BRI3: variants seen among roughly 807,000 people sequenced by gnomAD.
BRI3 encodes the protein brain protein I3.
Under a neutral mutation model 12.8 loss-of-function variants are expected in BRI3, and 6 were observed. That is an observed-to-expected ratio of 0.47 (90% confidence interval 0.26 to 0.93). The LOEUF is 0.93. BRI3 is among the 40% of genes least tolerant of loss of function. The pLI, the probability that BRI3 is intolerant of heterozygous loss-of-function variation, is 0.15. For missense variants in BRI3, 134 were observed against 171.1 expected (o/e 0.78, Z 1.21); for synonymous variants, 91 against 76.1 (o/e 1.20, Z -1.02).
chr7:98,285,151 G>C (rs970250511), intron 2 of BRI3, among the ~76,000 whole-genome samples: 33 of 152,192 alleles, frequency 2.2e-4, no homozygotes, highest in African/African-American at 8.0e-4. Flanking sequence ...TCCTGGAAAG[G>C]ATTTCACTTT....
downstream of BRI3, among the ~76,000 whole-genome samples, chr7:98,311,296 C>T (rs531392831): frequency 6.6e-6 from 1 of 152,082 alleles, no homozygotes; most frequent in Non-Finnish European, 1.5e-5. Context: ...GTAACCCCAG[C>T]ACTTTGGGAG....
At chr7:98,322,630 G>A in the BRI3 span, among the ~76,000 whole-genome samples, 26 of 152,274 alleles carry the variant, frequency 1.7e-4, no homozygotes, top group Non-Finnish European at 3.5e-4. Flanking sequence ...CAGGTGATCT[G>A]TTCCACCAGA....
chr7:98,309,851 C>CA (rs1179756405), exon 2 of BRI3: 2 of 151,850 alleles, frequency 1.3e-5, no homozygotes, highest in African/African-American at 5.1e-5. Context: ...CATCTGCAGA[C>CA]AGTCACTGGC....
chr7:98,294,085 C>A, downstream of BRI3: 1 of 1,614,058 alleles, frequency 6.2e-7, no homozygotes, highest in Non-Finnish European at 8.5e-7. Flanking sequence ...TGAGAAAAGG[C>A]GGCTTTGCAG....
intron 2 of BRI3, among the ~76,000 whole-genome samples, chr7:98,290,629 G>T (rs1799897354): frequency 6.6e-6 from 1 of 152,170 alleles, no homozygotes; most frequent in Non-Finnish European, 1.5e-5. Flanking sequence ...CTCCCAAGTA[G>T]CCGGGACTAC....
exon 2 of BRI3, chr7:98,310,371 A>G (rs1800821902): frequency 6.7e-7 from 1 of 1,499,660 alleles, no homozygotes; most frequent in Non-Finnish European, 9.0e-7. Context: ...CATTTATACA[A>G]AATATTTATT....
downstream of BRI3, chr7:98,293,464 G>A (rs377455240): frequency 1.1e-4 from 169 of 1,510,170 alleles, no homozygotes; most frequent in South Asian, 1.2e-3. Context: ...GACAGGATGC[G>A]CCCATCATTC....
rs1180326213 is a variant in BRI3, at chr7:98,290,181, G to GTT, written c.246-906_246-905dup. On this transcript the variant is annotated intron_variant, in intron 2 of 2. Transcript: ENST00000297290. ...CAAAATGATCATGCCTCTCAAGGTT[G>GTT]TTTTTTTTTTTTTTTTTTTTTTTTT... Among the ~76,000 whole-genome samples the GTT allele has an allele frequency of 4.7e-3, 483 of 102,380 alleles. 5 individuals carry two copies. The highest frequency in any genetic ancestry group is 0.012 in the South Asian group (30 of 2,454). 67.2% of individuals were successfully genotyped at this position (102,380 alleles called of 152,430 possible). A position where few individuals can be genotyped will look rare whatever the true frequency, so the allele number is the denominator to read the frequency against.
exon 2 of BRI3, chr7:98,307,888 C>T (rs373903465): frequency 6.8e-6 from 11 of 1,614,058 alleles, no homozygotes; most frequent in African/African-American, 2.7e-5. Flanking sequence ...CTGGGATCTT[C>T]GGAAGTACCT....
intron 2 of BRI3, among the ~76,000 whole-genome samples, chr7:98,289,495 A>G (rs1799825481): frequency 6.6e-6 from 1 of 152,220 alleles, no homozygotes; most frequent in Non-Finnish European, 1.5e-5. Flanking sequence ...TTCTCCCCTT[A>G]GCAAGGCACA....
Position 98,282,469 on chromosome 7 carries a change from G to A in BRI3, c.245+16G>A. On this transcript the variant is annotated intron_variant, in intron 2 of 2. Coordinates refer to ENST00000297290, the MANE Select transcript of BRI3 (RefSeq NM_015379.5). ...CTGTCTGCAGGTGAGTGGGTCTGCA[G>A]CCTGGGGACTGGCCCTGGAAGCTCT... The A allele has an allele frequency of 3.7e-6, 6 of 1,606,360 alleles. No homozygotes were observed. The highest frequency in any genetic ancestry group is 5.1e-6 in the Non-Finnish European group (6 of 1,173,138).
At chr7:98,291,559 G>T, downstream of BRI3, 1 of 1,123,150 alleles carries the variant, frequency 8.9e-7, no homozygotes, top group Non-Finnish European at 1.1e-6. Flanking sequence ...TGCTTTCAGA[G>T]ACCCAGGAAA....
chr7:98,310,261 C>G (rs923835805), exon 2 of BRI3: 1 of 570,948 alleles, frequency 1.8e-6, no homozygotes, highest in African/African-American at 2.0e-5. Flanking sequence ...ATCAGAGCGT[C>G]TCACAGTCTA....
chr7:98,322,688 C>T, the BRI3 span, among the ~76,000 whole-genome samples: 9 of 152,302 alleles, frequency 5.9e-5, no homozygotes, highest in South Asian at 2.1e-4. Flanking sequence ...CGTCCCACCA[C>T]GTGGGCTTTC....
upstream of BRI3, chr7:98,304,076 C>T (rs2269965): frequency 7.8e-3 from 8,578 of 1,095,250 alleles, 427 homozygotes; most frequent in East Asian, 0.12. Context: ...CCCTCCTCCC[C>T]GGGGACACCA....
At chr7:98,302,799 T>G (rs904734096), upstream of BRI3, among the ~76,000 whole-genome samples, 1 of 152,186 alleles carries the variant, frequency 6.6e-6, no homozygotes, top group African/African-American at 2.4e-5. Flanking sequence ...CCATTTTTCT[T>G]TTTTTATGAG....
chr7:98,295,132 G>A (rs1168414545), downstream of BRI3, among the ~76,000 whole-genome samples: 1 of 152,326 alleles, frequency 6.6e-6, no homozygotes, highest in Admixed American at 6.5e-5. Context: ...ACTTAGGGGA[G>A]GCCCTCTCAT....
chr7:98,307,534 G>C, exon 2 of BRI3: 1 of 1,455,958 alleles, frequency 6.9e-7, no homozygotes, highest in Non-Finnish European at 9.0e-7. Context: ...AAATAGCCTG[G>C]GATCGAATAA....
intron 2 of BRI3, among the ~76,000 whole-genome samples, chr7:98,286,171 C>A (rs532050308): frequency 1.3e-5 from 2 of 152,326 alleles, no homozygotes; most frequent in East Asian, 3.9e-4. Context: ...CCTGGACACA[C>A]CCTCAGCTTC....
Sources: gnomAD v4.1 joint callset for allele counts (sites outside exome capture counted in the v4.1 genomes callset) on GRCh38, gnomAD v4.1.1 for gene constraint, MANE v1.5 for transcripts, NCBI Gene and HGNC (gene_info 2026-07-23, HGNC 2026-07-21) for gene names.